The following SLCO1A2 variants were observed in gnomAD, a reference collection of about 807,000 sequenced individuals.
SLCO1A2 encodes the protein solute carrier organic anion transporter family member 1A2, also known as OATP-1.
Under a neutral mutation model 69.0 loss-of-function variants are expected in SLCO1A2, and 67 were observed. The observed-to-expected ratio is 0.97, with a 90% CI of 0.80 to 1.19. The LOEUF (loss-of-function observed/expected upper bound fraction) is 1.19, where lower values mean the gene tolerates loss of function less well. Ranked by LOEUF, SLCO1A2 falls within the 50% of genes most tolerant of loss-of-function variation. The pLI is 0.00. For synonymous variants in SLCO1A2, 260 were observed against 265.9 expected, an observed-to-expected ratio of 0.98 and a Z score of 0.22; for missense variants, 787 against 793.7, an observed-to-expected ratio of 0.99 and a Z score of 0.10.
At chr12:21,328,308 G>A (rs1952392036) in intron 2 of SLCO1A2, among the ~76,000 whole-genome samples, 1 of 152,158 alleles carries the variant, frequency 6.6e-6, no homozygotes, top group African/African-American at 2.4e-5. Context: ...ATGGGGAAAG[G>A]ACTCAGTCTT....
intron 2 of SLCO1A2, among the ~76,000 whole-genome samples, chr12:21,322,850 T>A (rs1951802891): frequency 6.6e-6 from 1 of 152,150 alleles, no homozygotes; most frequent in African/African-American, 2.4e-5. Flanking sequence ...GTTGGGGTCC[T>A]CAGAATTTTA....
chr12:21,340,378 C>A (rs2136978741), intron 2 of SLCO1A2, among the ~76,000 whole-genome samples: 1 of 152,072 alleles, frequency 6.6e-6, no homozygotes, highest in Non-Finnish European at 1.5e-5. Context: ...TGCTTTGTTA[C>A]CAATGCTTCA....
At chr12:21,330,268 A>C (rs1317747183) in intron 2 of SLCO1A2, among the ~76,000 whole-genome samples, 1 of 152,084 alleles carries the variant, frequency 6.6e-6, no homozygotes, top group Non-Finnish European at 1.5e-5. Context: ...TAAGGCAGAC[A>C]GATCATTTTA....
Position 21,269,561 on chromosome 12 carries a change from T to G in SLCO1A2, c.2000A>C (p.Lys667Thr). ...ATAATAGGACAATTACAATTTAGTT[T>G]TCAATTCATCATCTTTCAAAACCGT... ...KSTVLKDDELKTKL is the reference protein window; with the variant it reads ...KSTVLKDDELTTKL Residue 667 changes from lysine (K) to threonine (T), a missense_variant, in exon 15 of 15, where the codon AAA becomes ACA. Coordinates refer to ENST00000683939, the MANE Select transcript of SLCO1A2 (RefSeq NM_001386879.1). 6.2e-7 allele frequency: 1 copy of G among 1,610,020 alleles called. No homozygotes were observed. Among genetic ancestry groups the G allele is most frequent in the Non-Finnish European group, 8.5e-7 (1 of 1,177,390 alleles).
intron 2 of SLCO1A2, among the ~76,000 whole-genome samples, chr12:21,345,491 G>C (rs997535977): frequency 1.3e-5 from 2 of 151,888 alleles, no homozygotes; most frequent in East Asian, 3.9e-4. Flanking sequence ...ATTCATCTTA[G>C]ATAAATAACT....
intron 2 of SLCO1A2, chr12:21,319,600 C>A: frequency 5.4e-6 from 3 of 557,210 alleles, no homozygotes; most frequent in Admixed American, 3.2e-5. Flanking sequence ...AATGGAGGAC[C>A]ACACAAAAAT....
chr12:21,328,980 G>T (rs186760009), intron 2 of SLCO1A2, among the ~76,000 whole-genome samples: 222 of 152,216 alleles, frequency 1.5e-3, no homozygotes, highest in Non-Finnish European at 1.3e-3. Context: ...AGGGATGGTT[G>T]GGAAGTCCCA....
Position 21,381,975 on chromosome 12 carries a change from G to C in SLCO1A2, c.-189-7450C>G, listed in dbSNP as rs529019528. ...AATTTGATACAGTAATCCCAGTATT[G>C]AGTATCTAACCAAAGGAAGAGCAGT... On this transcript the variant is annotated intron_variant, in intron 1 of 15. Transcript: ENST00000307378. 3.3e-5 allele frequency among the ~76,000 whole-genome samples: 5 copies of C among 152,264 alleles called. No homozygotes were observed. The East Asian group carries it at 9.6e-4, about 29-fold the overall frequency.
chr12:21,293,504 T>C (rs1947233986), intron 11 of SLCO1A2, among the ~76,000 whole-genome samples: 1 of 151,814 alleles, frequency 6.6e-6, no homozygotes, highest in South Asian at 2.1e-4. Context: ...TAATTCTAAA[T>C]TCTCAAAGAA....
chr12:21,372,043 AG>A (rs1202659887), intron 2 of SLCO1A2, among the ~76,000 whole-genome samples: 2 of 152,104 alleles, frequency 1.3e-5, no homozygotes, highest in African/African-American at 4.8e-5. Flanking sequence ...AAGAAATACA[AG>A]AAAAAGAAAA....
At chr12:21,367,177 A>G (rs1939451280) in intron 2 of SLCO1A2, among the ~76,000 whole-genome samples, 1 of 152,168 alleles carries the variant, frequency 6.6e-6, no homozygotes, top group Non-Finnish European at 1.5e-5. Context: ...TTAGAATACA[A>G]TGAAATAATG....
intron 8 of SLCO1A2, among the ~76,000 whole-genome samples, chr12:21,298,834 G>C (rs1214073845): frequency 1.3e-5 from 2 of 152,228 alleles, no homozygotes; most frequent in Non-Finnish European, 2.9e-5. Flanking sequence ...TCATCAGAAT[G>C]ATTCTGAGAA....
intron 2 of SLCO1A2, 119 bp downstream of exon 2, chr12:21,334,469 A>T (rs981272012): frequency 1.5e-6 from 1 of 681,008 alleles, no homozygotes; most frequent in Non-Finnish European, 2.5e-6. Context: ...TATCAATAGA[A>T]CAGGCAATAT....
upstream of SLCO1A2, among the ~76,000 whole-genome samples, chr12:21,397,537 C>G (rs1941517210): frequency 6.6e-6 from 1 of 152,176 alleles, no homozygotes; most frequent in Non-Finnish European, 1.5e-5. Context: ...TAGACATCTA[C>G]AGAACCCTCC....
At chr12:21,331,964 C>A (rs1025197410) in intron 2 of SLCO1A2, among the ~76,000 whole-genome samples, 9 of 152,142 alleles carry the variant, frequency 5.9e-5, no homozygotes, top group African/African-American at 2.2e-4. Context: ...ATAGCTCAGG[C>A]TGGTACCAAG....
In SLCO1A2 at chr12:21,269,148, A is replaced by G. The variant is rs1942368367; in HGVS notation, c.*400T>C. On this transcript the variant is annotated 3_prime_UTR_variant, in exon 15 of 15. Coordinates refer to ENST00000683939, the MANE Select transcript of SLCO1A2 (RefSeq NM_001386879.1). ...ATTTAAATCTTCACATAACAGAATG[A>G]GAATTTAGGCATCTGAATAATTCCA... is the stretch of plus-strand genomic sequence containing the variant. 1 of 154,978 alleles carries G rather than the reference A, an allele frequency of 6.5e-6. No individual in the cohort carries two copies. Among genetic ancestry groups the G allele is most frequent in the South Asian group, 2.0e-4 (1 of 5,006 alleles). 9.6% of individuals were successfully genotyped at this position (154,978 alleles called of 1,614,324 possible).
At chr12:21,330,435 G>C (rs994554457) in intron 2 of SLCO1A2, among the ~76,000 whole-genome samples, 6 of 152,090 alleles carry the variant, frequency 3.9e-5, no homozygotes, top group African/African-American at 9.7e-5. Context: ...CTTGAGCCTG[G>C]GAGGTTGAGG....
intron 12 of SLCO1A2, among the ~76,000 whole-genome samples, 185 bp from the exon 13 acceptor site, chr12:21,275,609 G>C (rs761990167): frequency 1.3e-5 from 2 of 152,038 alleles, no homozygotes; most frequent in Non-Finnish European, 2.9e-5. Flanking sequence ...GCCCATTTCT[G>C]GTCACTGGCA....
chr12:21,379,646 G>C (rs1487382592), intron 1 of SLCO1A2: 2 of 152,092 alleles, frequency 1.3e-5, no homozygotes, highest in African/African-American at 4.8e-5. Flanking sequence ...GCTTTTCCCT[G>C]ACTTTGAGTT....
Sources: allele counts gnomAD v4.1 joint callset (sites outside exome capture counted in the v4.1 genomes callset), GRCh38; gene constraint gnomAD v4.1.1; transcripts MANE v1.5; gene names NCBI Gene and HGNC (gene_info 2026-07-23, HGNC 2026-07-21).